CNTLN: variants seen among roughly 807,000 people sequenced by gnomAD.
The protein encoded by CNTLN is centlein, centrosomal protein.
A neutral mutation model predicts 180.0 loss-of-function variants in CNTLN; 212 were observed. The observed-to-expected ratio is 1.18, with a 90% CI of 1.05 to 1.32. The LOEUF (loss-of-function observed/expected upper bound fraction) is 1.32. Among genes scored for constraint, CNTLN ranks in the 40% most tolerant of loss-of-function variants. CNTLN has a pLI of 0.00. For synonymous variants in CNTLN, 722 were observed against 563.1 expected (o/e 1.28, Z -3.99); for missense variants, 2,095 against 1,610.9 (o/e 1.30, Z -5.14).
chr9:17,349,080 A>G (rs1822157200), intron 12 of CNTLN, among the ~76,000 whole-genome samples: 3 of 152,144 alleles, frequency 2.0e-5, no homozygotes, highest in Admixed American at 2.0e-4. Context: ...AAGAAAACTC[A>G]AGGAACTCAC....
chr9:17,135,936 A>C (rs1817684439), intron 1 of CNTLN, among the ~76,000 whole-genome samples: 1 of 152,248 alleles, frequency 6.6e-6, no homozygotes, highest in African/African-American at 2.4e-5. Flanking sequence ...ACGTTTAGAA[A>C]GTCTCAGAGC....
intron 6 of CNTLN, among the ~76,000 whole-genome samples, chr9:17,281,337 T>C (rs569414315): frequency 6.6e-6 from 1 of 152,230 alleles, no homozygotes; most frequent in East Asian, 1.9e-4. Flanking sequence ...AGGTTTGTTA[T>C]GTAGGTAAAT....
At position 17,269,008 on chromosome 9, in the gene CNTLN, C is replaced by T. The variant is rs201783684; in HGVS notation, c.850-4725C>T. 3.1e-4 allele frequency among the ~76,000 whole-genome samples: 47 copies of T among 152,228 alleles called. No individual in the cohort carries two copies. In the East Asian group the frequency reaches 8.1e-3, roughly 26 times the overall value. ...TTCCCGAGTTAGGCCATGCCTCGCC[C>T]TGCTCTGGCTAGCGCACGGTGCGCT... On this transcript the variant is annotated intron_variant, in intron 5 of 25. Coordinates refer to ENST00000380647, the MANE Select transcript of CNTLN (RefSeq NM_017738.4).
intron 13 of CNTLN, among the ~76,000 whole-genome samples, chr9:17,385,350 C>T (rs4961555): frequency 0.5 from 76,057 of 151,958 alleles, 20,257 homozygotes; most frequent in Non-Finnish European, 0.59. Context: ...CTCCCCTCTG[C>T]AGAGGCCTGG....
rs767241729 is a variant in CNTLN at position 17,135,414 on chromosome 9, G to T, written c.349G>T (p.Ala117Ser). ...GCTGAGCAGCCTAAAGGAGGAGTTGGCCCTGTGTCAGGTATCGAGGAGTCT... is the reference window on the plus strand; with the variant it reads ...GCTGAGCAGCCTAAAGGAGGAGTTGTCCCTGTGTCAGGTATCGAGGAGTCT... Reference protein sequence around the residue: ...EELSSLKEELALCQADKEFVW... With the variant: ...EELSSLKEELSLCQADKEFVW... The change falls in exon 1 of 26, where the codon GCC becomes TCC. Residue 117 changes from alanine to serine, a missense_variant. By Grantham distance (99) the Ala-to-Ser change is moderately conservative. Transcript: ENST00000380647. 2.5e-6 allele frequency: 4 copies of T among 1,596,470 alleles called. No individual in the cohort carries two copies. The highest frequency in any genetic ancestry group is 1.3e-5 in the African/African-American group (1 of 74,828).
chr9:17,390,464 G>A (rs995616609), intron 14 of CNTLN, among the ~76,000 whole-genome samples: 6 of 151,834 alleles, frequency 4.0e-5, no homozygotes. Flanking sequence ...GGCTGGTCTC[G>A]AACCCCTGGG....
chr9:17,312,998 G>A (rs1337723223), intron 8 of CNTLN, among the ~76,000 whole-genome samples: 24 of 152,032 alleles, frequency 1.6e-4, no homozygotes, highest in Admixed American at 1.6e-3. Context: ...TTTTAAAGCT[G>A]TTTTATTAGT....
chr9:17,336,345 G>A (rs1328697158), intron 10 of CNTLN, among the ~76,000 whole-genome samples: 2 of 152,026 alleles, frequency 1.3e-5, no homozygotes, highest in Admixed American at 6.6e-5. Context: ...GTATTCTGGC[G>A]CCATTAAAAT....
At position 17,487,066 on chromosome 9, in the gene CNTLN, GGTA is replaced by G. The variant is rs1320350252; in HGVS notation, c.4119+1_4119+3del. 2 of 1,589,436 alleles carry G rather than the reference GGTA, an allele frequency of 1.3e-6. No individual in the cohort carries two copies. The highest frequency in any genetic ancestry group is 2.7e-5 in the African/African-American group (2 of 74,310). ...ACATTCAGAAACTTCTTGAAGGACA[GGTA>G]TTTCATTTTTCTGTTTCATATATTA... On this transcript the variant is annotated splice_donor_variant and splice_donor_region_variant and intron_variant, in intron 25 of 25. Transcript: ENST00000380647. LOFTEE classifies it high-confidence loss of function.
chr9:17,221,468 C>T (rs773123901), intron 2 of CNTLN, among the ~76,000 whole-genome samples: 40 of 151,978 alleles, frequency 2.6e-4, no homozygotes, highest in Admixed American at 8.5e-4. Flanking sequence ...GTACTATTAA[C>T]GTATGGTAAG....
intron 5 of CNTLN, among the ~76,000 whole-genome samples, chr9:17,272,783 G>A (rs995065863): frequency 6.6e-5 from 10 of 152,084 alleles, no homozygotes; most frequent in South Asian, 4.2e-4. Flanking sequence ...CCCCTGCTAA[G>A]CATAAAAATA....
chr9:17,479,429 G>A (rs980653675), intron 23 of CNTLN, among the ~76,000 whole-genome samples: 1 of 152,304 alleles, frequency 6.6e-6, no homozygotes, highest in South Asian at 2.1e-4. Context: ...GTGAAAAAAA[G>A]CCAGTTACAG....
chr9:17,278,367 G>A (rs190925973), intron 6 of CNTLN, among the ~76,000 whole-genome samples: 2 of 152,040 alleles, frequency 1.3e-5, no homozygotes, highest in Admixed American at 1.3e-4. Flanking sequence ...TTTTTCTTTG[G>A]TATGTTAGTA....
intron 2 of CNTLN, among the ~76,000 whole-genome samples, chr9:17,173,182 C>G (rs190963707): frequency 2.7e-3 from 407 of 152,074 alleles, no homozygotes; most frequent in African/African-American, 9.0e-3. Flanking sequence ...AGCTATAATG[C>G]TGAATAATAA....
At chr9:17,382,780 C>G (rs1157103765) in intron 13 of CNTLN, among the ~76,000 whole-genome samples, 1 of 152,136 alleles carries the variant, frequency 6.6e-6, no homozygotes, top group Non-Finnish European at 1.5e-5. Context: ...TATTTCTGAT[C>G]TTATTCTCTT....
At chr9:17,225,753 A>G (rs1445952728) in intron 2 of CNTLN, among the ~76,000 whole-genome samples, 1 of 152,060 alleles carries the variant, frequency 6.6e-6, no homozygotes, top group Admixed American at 6.6e-5. Context: ...CTCAGAGACT[A>G]GAAATGTATA....
chr9:17,329,423 A>T (rs1362892003), intron 8 of CNTLN, among the ~76,000 whole-genome samples: 1 of 152,112 alleles, frequency 6.6e-6, no homozygotes, highest in Non-Finnish European at 1.5e-5. Flanking sequence ...AGAAATGCTT[A>T]AAATATTTTA....
At chr9:17,519,038 T>C in the CNTLN span, among the ~76,000 whole-genome samples, 2 of 150,988 alleles carry the variant, frequency 1.3e-5, no homozygotes, top group East Asian at 1.9e-4. Context: ...TCCTCCTACC[T>C]CAGCCCCCTG....
At chr9:17,415,089 A>G (rs1828126175) in intron 16 of CNTLN, among the ~76,000 whole-genome samples, 1 of 151,770 alleles carries the variant, frequency 6.6e-6, no homozygotes, top group Non-Finnish European at 1.5e-5. Context: ...CTGTCTCAAA[A>G]GAAAAAAAAA....
Sources: allele counts gnomAD v4.1 joint callset (sites outside exome capture counted in the v4.1 genomes callset), GRCh38; gene constraint gnomAD v4.1.1; transcripts MANE v1.5; gene names NCBI Gene and HGNC (gene_info 2026-07-23, HGNC 2026-07-21).